Variants in RCAN2 observed in about 807,000 individuals in gnomAD.
RCAN2 encodes the protein calcipressin-2.
In RCAN2, 9 loss-of-function variants were observed where a neutral mutation model predicts 23.6. The ratio of observed to expected loss-of-function variants is 0.38; its 90% CI spans 0.23 to 0.67. The LOEUF (loss-of-function observed/expected upper bound fraction) is 0.67, where lower values mean the gene tolerates loss of function less well. Among genes scored for constraint, RCAN2 ranks in the 30% least tolerant of loss-of-function variants. RCAN2 has a pLI of 0.51. For missense variants in RCAN2, 273 were observed against 302.3 expected, an observed-to-expected ratio of 0.90 and a Z score of 0.72; for synonymous variants, 109 against 115.7, an observed-to-expected ratio of 0.94 and a Z score of 0.37.
intron 2 of RCAN2, among the ~76,000 whole-genome samples, chr6:46,287,940 C>G (rs570269164): frequency 1.3e-5 from 2 of 152,186 alleles, no homozygotes; most frequent in African/African-American, 4.8e-5. Flanking sequence ...GTGCTGTAAA[C>G]GACAAAGAAT....
At position 46,335,731 on chromosome 6, in the gene RCAN2, A is replaced by G. The variant is rs371232140; in HGVS notation, c.226-86835T>C. ...AATCTCCCTTTCAGGATATAGTGCT[A>G]TCTATCTAGTTTTTGGGCCACCTGC... On this transcript the variant is annotated intron_variant, in intron 2 of 4. Transcript: ENST00000371374. Among the ~76,000 whole-genome samples the G allele has an allele frequency of 7.2e-5, 11 of 152,130 alleles. No individual in the cohort carries two copies. The East Asian group carries it at 1.2e-3, about 16-fold the overall frequency.
intron 2 of RCAN2, among the ~76,000 whole-genome samples, chr6:46,283,731 A>C (rs1323130259): frequency 1.3e-5 from 2 of 152,216 alleles, no homozygotes; most frequent in Non-Finnish European, 2.9e-5. Flanking sequence ...TGGTTAACTG[A>C]GATATTAGAA....
chr6:46,269,540 T>C (rs986219990), intron 2 of RCAN2, among the ~76,000 whole-genome samples: 16 of 152,250 alleles, frequency 1.1e-4, no homozygotes, highest in African/African-American at 2.2e-4. Flanking sequence ...TCACTAGTTA[T>C]GTATCTTGCT....
intron 2 of RCAN2, among the ~76,000 whole-genome samples, chr6:46,426,431 T>G (rs1767035196): frequency 6.6e-6 from 1 of 152,216 alleles, no homozygotes; most frequent in Non-Finnish European, 1.5e-5. Flanking sequence ...ATGTTAATTC[T>G]TTTCATCATC....
intron 2 of RCAN2, among the ~76,000 whole-genome samples, chr6:46,302,271 TG>T (rs1762926495): frequency 6.6e-6 from 1 of 152,082 alleles, no homozygotes; most frequent in Non-Finnish European, 1.5e-5. Flanking sequence ...GAGCTGACTT[TG>T]GGGGCAGGAG....
intron 1 of RCAN2, among the ~76,000 whole-genome samples, chr6:46,471,176 G>A (rs1768550120): frequency 6.6e-6 from 1 of 152,196 alleles, no homozygotes; most frequent in Non-Finnish European, 1.5e-5. Flanking sequence ...GCCTTGGAGA[G>A]GACTTTTTGA....
intron 2 of RCAN2, among the ~76,000 whole-genome samples, chr6:46,290,908 T>C (rs927531260): frequency 6.6e-6 from 1 of 152,138 alleles, no homozygotes; most frequent in Non-Finnish European, 1.5e-5. Context: ...TTGAAACTCA[T>C]GGGAAATAGT....
In RCAN2 at chr6:46,247,430, T is replaced by G. The variant is rs142119299; in HGVS notation, c.400-511A>C. 7.2e-5 allele frequency among the ~76,000 whole-genome samples: 11 copies of G among 152,332 alleles called. 1 individual carries two copies. The East Asian group carries it at 2.1e-3, about 29-fold the overall frequency. ...CCTGCAACAACCACTTCTATCCAGA[T>G]CCAAGCTCTTTTCATCACCTTAAAG... On this transcript the variant is annotated intron_variant, in intron 3 of 4. Coordinates refer to ENST00000371374, the MANE Select transcript of RCAN2 (RefSeq NM_001251974.2).
intron 2 of RCAN2, among the ~76,000 whole-genome samples, chr6:46,439,880 A>G (rs1767480943): frequency 6.6e-6 from 1 of 152,218 alleles, no homozygotes; most frequent in Non-Finnish European, 1.5e-5. Flanking sequence ...GAAAATTTCT[A>G]AAGAGGCTAG....
At chr6:46,299,000 A>G (rs1180343128) in intron 2 of RCAN2, among the ~76,000 whole-genome samples, 1 of 152,064 alleles carries the variant, frequency 6.6e-6, no homozygotes, top group East Asian at 1.9e-4. Context: ...GGGAACTCAT[A>G]TAAGAATAGA....
chr6:46,263,133 G>GCTCA (rs1198153343), intron 2 of RCAN2, among the ~76,000 whole-genome samples: 1 of 152,158 alleles, frequency 6.6e-6, no homozygotes, highest in African/African-American at 2.4e-5. Context: ...TTTGGAAAGG[G>GCTCA]CTCACTTGGT....
At chr6:46,283,027 C>A (rs561747865) in intron 2 of RCAN2, among the ~76,000 whole-genome samples, 2 of 152,114 alleles carry the variant, frequency 1.3e-5, no homozygotes, top group African/African-American at 4.8e-5. Flanking sequence ...ACTGCCTGAC[C>A]GGGGGCTGGC....
At position 46,445,140 on chromosome 6, in the gene RCAN2, A is replaced by T. The variant is rs150265334; in HGVS notation, c.225+11612T>A. 2.4e-3 allele frequency among the ~76,000 whole-genome samples: 360 copies of T among 152,184 alleles called. 2 individuals are homozygous for T. Among genetic ancestry groups the T allele is most frequent in the African/African-American group, 8.2e-3 (340 of 41,528 alleles). On this transcript the variant is annotated intron_variant, in intron 2 of 4. Coordinates refer to ENST00000371374, the MANE Select transcript of RCAN2 (RefSeq NM_001251974.2). ...GAAAGCCTCTTCAGACTCAGACTCAAAGACCACCCCTGCACCAGGTCAGCC... is the reference window on the plus strand; with the variant it reads ...GAAAGCCTCTTCAGACTCAGACTCATAGACCACCCCTGCACCAGGTCAGCC...
intron 2 of RCAN2, among the ~76,000 whole-genome samples, chr6:46,343,049 AAAT>A (rs771247922): frequency 2.4e-4 from 37 of 152,190 alleles, no homozygotes; most frequent in Non-Finnish European, 4.6e-4. Context: ...ATTAATGCAT[AAAT>A]CCAGAAAACT....
At chr6:46,242,149 C>G (rs1301750986) in intron 4 of RCAN2, among the ~76,000 whole-genome samples, 3 of 152,174 alleles carry the variant, frequency 2.0e-5, no homozygotes, top group Non-Finnish European at 4.4e-5. Flanking sequence ...CAATAGGCAC[C>G]CACAGGTTTG....
chr6:46,436,356 G>A (rs762707404), intron 2 of RCAN2, among the ~76,000 whole-genome samples: 6 of 152,224 alleles, frequency 3.9e-5, no homozygotes, highest in Non-Finnish European at 8.8e-5. Context: ...GGGATTACAG[G>A]CGCGTGCCAG....
intron 2 of RCAN2, among the ~76,000 whole-genome samples, chr6:46,377,054 A>G (rs968223834): frequency 6.6e-6 from 1 of 152,176 alleles, no homozygotes; most frequent in African/African-American, 2.4e-5. Flanking sequence ...TTTCATGAGG[A>G]AAAAAAGGCA....
intron 2 of RCAN2, among the ~76,000 whole-genome samples, chr6:46,385,267 C>T (rs931850320): frequency 6.6e-6 from 1 of 152,092 alleles, no homozygotes; most frequent in Admixed American, 6.6e-5. Flanking sequence ...CATTCAGTAG[C>T]CAAACAGAGA....
intron 2 of RCAN2, among the ~76,000 whole-genome samples, chr6:46,366,590 T>A (rs751685649): frequency 1.3e-5 from 2 of 152,148 alleles, no homozygotes; most frequent in Non-Finnish European, 2.9e-5. Context: ...AAGTTGGTTT[T>A]TGAATGTGTC....
Sources: allele counts gnomAD v4.1 joint callset (sites outside exome capture counted in the v4.1 genomes callset), GRCh38; gene constraint gnomAD v4.1.1; transcripts MANE v1.5; gene names NCBI Gene and HGNC (gene_info 2026-07-23, HGNC 2026-07-21).